RANBP2: variants seen among roughly 807,000 people sequenced by gnomAD.
RANBP2 encodes the protein E3 SUMO-protein ligase RanBP2.
A neutral mutation model predicts 303.6 loss-of-function variants in RANBP2; 57 were observed. That is an observed-to-expected ratio of 0.19 (90% CI 0.15 to 0.23). The LOEUF is 0.23. RANBP2 is among the 10% of genes least tolerant of loss of function. The pLI is 1.00. For synonymous variants in RANBP2, 1,167 were observed against 1,301.5 expected, an observed-to-expected ratio of 0.90 and a Z score of 2.23; for missense variants, 3,138 against 3,780.8, an observed-to-expected ratio of 0.83 and a Z score of 4.46.
At chr2:109,103,721 A>G in the RANBP2 span, among the ~76,000 whole-genome samples, 15 of 152,302 alleles carry the variant, frequency 9.8e-5, no homozygotes, top group Non-Finnish European at 2.1e-4. Flanking sequence ...ACTCTCAGCT[A>G]ATCTCTTCAG....
At chr2:108,907,968 G>C in the RANBP2 span, 1 of 1,613,220 alleles carries the variant, frequency 6.2e-7, no homozygotes, top group South Asian at 1.1e-5. Context: ...CCTCATCACT[G>C]TCGACGCTCC....
At chr2:108,838,709 C>A in the RANBP2 span, among the ~76,000 whole-genome samples, 2 of 152,106 alleles carry the variant, frequency 1.3e-5, no homozygotes, top group Non-Finnish European at 2.9e-5. Flanking sequence ...AATAGTACTC[C>A]AGTTTCTGAA....
At chr2:109,574,622 T>C in the RANBP2 span, 10 of 1,604,706 alleles carry the variant, frequency 6.2e-6, no homozygotes, top group Non-Finnish European at 8.5e-6. Flanking sequence ...TCAAGTGTCT[T>C]CAGAGAGTGG....
the RANBP2 span, among the ~76,000 whole-genome samples, chr2:109,429,523 G>A: frequency 6.6e-6 from 1 of 152,154 alleles, no homozygotes; most frequent in Non-Finnish European, 1.5e-5. Flanking sequence ...CTCCCTACGC[G>A]TTGGCCACAC....
the RANBP2 span, among the ~76,000 whole-genome samples, chr2:108,831,948 G>T: frequency 6.6e-6 from 1 of 151,962 alleles, no homozygotes; most frequent in Non-Finnish European, 1.5e-5. Context: ...GACCAGGCTG[G>T]TCTTGAACTT....
the RANBP2 span, among the ~76,000 whole-genome samples, chr2:108,968,603 A>G: frequency 4.1e-4 from 62 of 152,204 alleles, no homozygotes; most frequent in Non-Finnish European, 7.4e-4. Flanking sequence ...CCTCCTGATC[A>G]CAGGCATGGT....
At chr2:109,318,574 C>T in the RANBP2 span, among the ~76,000 whole-genome samples, 4 of 152,320 alleles carry the variant, frequency 2.6e-5, no homozygotes, top group East Asian at 5.8e-4. Context: ...GGTTCAAAGT[C>T]ATGTGAGTAG....
chr2:109,601,505 G>A, the RANBP2 span, among the ~76,000 whole-genome samples: 1 of 152,092 alleles, frequency 6.6e-6, no homozygotes, highest in Non-Finnish European at 1.5e-5. Flanking sequence ...ACATTTTTCA[G>A]CTTACTGGCC....
the RANBP2 span, among the ~76,000 whole-genome samples, chr2:109,043,150 C>T: frequency 2.0e-4 from 30 of 152,206 alleles, no homozygotes; most frequent in Middle Eastern, 3.4e-3. Context: ...AGCCCTGAAA[C>T]GGGTTATGTA....
the RANBP2 span, among the ~76,000 whole-genome samples, chr2:109,179,526 G>A: frequency 6.6e-5 from 10 of 152,268 alleles, no homozygotes; most frequent in South Asian, 2.1e-3. Context: ...AAGAAAACAG[G>A]TTTCATGAGC....
At chr2:108,931,177 A>T in the RANBP2 span, 1 of 736,612 alleles carries the variant, frequency 1.4e-6, no homozygotes, top group Admixed American at 2.0e-5. Context: ...GCAGACATGA[A>T]GCTGAAGCTG....
chr2:109,284,737 A>G, the RANBP2 span, among the ~76,000 whole-genome samples: 11 of 152,294 alleles, frequency 7.2e-5, no homozygotes, highest in African/African-American at 1.2e-4. Flanking sequence ...ACACCTCTGC[A>G]GGTGAAGTCC....
the RANBP2 span, among the ~76,000 whole-genome samples, chr2:109,335,098 C>A: frequency 6.6e-6 from 1 of 152,218 alleles, no homozygotes; most frequent in Non-Finnish European, 1.5e-5. Flanking sequence ...CCACTCCCTG[C>A]TTCAAAACCG....
At chr2:109,432,864 C>T in the RANBP2 span, among the ~76,000 whole-genome samples, 2 of 152,256 alleles carry the variant, frequency 1.3e-5, no homozygotes, top group Non-Finnish European at 2.9e-5. Flanking sequence ...GCACTCAACT[C>T]CTTGGCTGTC....
At chr2:109,728,432 A>G in the RANBP2 span, among the ~76,000 whole-genome samples, 3 of 151,986 alleles carry the variant, frequency 2.0e-5, no homozygotes, top group Non-Finnish European at 2.9e-5. Context: ...AGTAAATAAT[A>G]CTATTTTTTA....
the RANBP2 span, among the ~76,000 whole-genome samples, chr2:108,851,069 C>A: frequency 6.6e-6 from 1 of 152,142 alleles, no homozygotes; most frequent in Non-Finnish European, 1.5e-5. Context: ...ACAACCCCCT[C>A]TTTGGGTTTA....
the RANBP2 span, among the ~76,000 whole-genome samples, chr2:109,318,989 GA>G: frequency 1.3e-5 from 2 of 152,200 alleles, no homozygotes; most frequent in Non-Finnish European, 2.9e-5. Context: ...TCCCAGAACA[GA>G]TCAAAGCCCT....
chr2:108,859,353 G>T, the RANBP2 span, among the ~76,000 whole-genome samples: 6 of 152,082 alleles, frequency 3.9e-5, no homozygotes, highest in Non-Finnish European at 7.4e-5. Context: ...TAGGTTGTCT[G>T]TTTACTCTGT....
the RANBP2 span, among the ~76,000 whole-genome samples, chr2:109,038,246 C>G: frequency 6.6e-6 from 1 of 152,182 alleles, no homozygotes; most frequent in Non-Finnish European, 1.5e-5. Context: ...AAAAATGAAC[C>G]TTGACTTGTC....
Sources: allele counts gnomAD v4.1 joint callset (sites outside exome capture counted in the v4.1 genomes callset), GRCh38; gene constraint gnomAD v4.1.1; transcripts MANE v1.5; gene names NCBI Gene and HGNC (gene_info 2026-07-23, HGNC 2026-07-21).